The following ZNF385D variants were observed in gnomAD, a reference collection of about 807,000 sequenced individuals.
ZNF385D encodes zinc finger protein 659.
ZNF385D carries 15 observed loss-of-function variants against 35.8 expected under a neutral mutation model. The observed-to-expected ratio is 0.42, with a 90% CI of 0.28 to 0.64. ZNF385D has a LOEUF of 0.64. ZNF385D is among the 30% of genes least tolerant of loss of function. ZNF385D has a pLI of 0.23. For missense variants in ZNF385D, 474 were observed against 494.6 expected, an observed-to-expected ratio of 0.96 and a Z score of 0.39; for synonymous variants, 212 against 186.8, an observed-to-expected ratio of 1.13 and a Z score of -1.10.
intron 3 of ZNF385D, among the ~76,000 whole-genome samples, chr3:22,106,727 A>T (rs1002311984): frequency 5.3e-5 from 8 of 152,160 alleles, no homozygotes; most frequent in African/African-American, 1.9e-4. Flanking sequence ...GTCTTCCAGA[A>T]TCCCTACAAA....
intron 2 of ZNF385D, among the ~76,000 whole-genome samples, chr3:22,185,247 G>A (rs888617900): frequency 6.6e-5 from 10 of 152,198 alleles, no homozygotes; most frequent in African/African-American, 2.4e-4. Context: ...AATACTAAGA[G>A]AACATTTGAG....
intron 3 of ZNF385D, among the ~76,000 whole-genome samples, chr3:22,135,886 A>T (rs113962745): frequency 9.1e-4 from 138 of 152,284 alleles, no homozygotes; most frequent in African/African-American, 3.2e-3. Flanking sequence ...AAGAAAGGTT[A>T]ATCTTTTAAT....
chr3:22,205,156 A>G (rs1697066384), intron 2 of ZNF385D, among the ~76,000 whole-genome samples: 1 of 152,062 alleles, frequency 6.6e-6, no homozygotes, highest in Non-Finnish European at 1.5e-5. Flanking sequence ...AAGCTCCAAA[A>G]TATCTGGCAG....
chr3:22,103,388 T>C (rs560742840), intron 3 of ZNF385D, among the ~76,000 whole-genome samples: 2 of 152,174 alleles, frequency 1.3e-5, no homozygotes, highest in Admixed American at 1.3e-4. Context: ...ATTATAGACC[T>C]ACAAAGTAAA....
chr3:22,120,586 T>C (rs980536373), intron 3 of ZNF385D, among the ~76,000 whole-genome samples: 3 of 152,122 alleles, frequency 2.0e-5, no homozygotes, highest in African/African-American at 4.8e-5. Flanking sequence ...CAGACCACCA[T>C]AGTCTGAATT....
chr3:22,291,803 T>C (rs570566779), intron 2 of ZNF385D, among the ~76,000 whole-genome samples: 1 of 152,204 alleles, frequency 6.6e-6, no homozygotes, highest in East Asian at 1.9e-4. Context: ...TTAATCCTAC[T>C]TATTTATGCA....
At chr3:22,002,530 A>G (rs992793233) in intron 3 of ZNF385D, among the ~76,000 whole-genome samples, 11 of 152,274 alleles carry the variant, frequency 7.2e-5, no homozygotes, top group Middle Eastern at 6.8e-3. Context: ...ACTCTTCTCT[A>G]TCTATTCCAA....
Position 21,425,566 on chromosome 3 carries a change from T to C in ZNF385D, c.778A>G (p.Thr260Ala), listed in dbSNP as rs762412358. Residue 260 changes from threonine (T) to alanine (A), a missense_variant, in exon 6 of 8, where the codon ACA (threonine) becomes GCA (alanine). Coordinates refer to ENST00000281523, the MANE Select transcript of ZNF385D (RefSeq NM_024697.3). ...TGAAATGTTTTATTTTGGAGGCCTG[T>C]GTTTCCTTTATTAACAGGTCCTTTG... is the stretch of plus-strand genomic sequence containing the variant. Reference protein sequence around the residue: ...KGKGPVNKGNTGLQNKTFHCE... With the variant: ...KGKGPVNKGNAGLQNKTFHCE... 1.2e-6 allele frequency: 2 copies of C among 1,612,352 alleles called. No homozygotes were observed. Among genetic ancestry groups the C allele is most frequent in the Non-Finnish European group, 1.7e-6 (2 of 1,179,174 alleles).
intron 2 of ZNF385D, among the ~76,000 whole-genome samples, chr3:22,297,448 A>C (rs1405068561): frequency 1.3e-5 from 2 of 152,106 alleles, no homozygotes; most frequent in South Asian, 2.1e-4. Context: ...TCTAGGCTAT[A>C]GATATAGTCT....
intron 3 of ZNF385D, among the ~76,000 whole-genome samples, chr3:21,538,872 T>C (rs1229150596): frequency 6.6e-6 from 1 of 152,136 alleles, no homozygotes; most frequent in African/African-American, 2.4e-5. Flanking sequence ...CCAATCTGAG[T>C]GTTTTATAAA....
At chr3:21,700,163 G>A (rs918522259) in intron 1 of ZNF385D, among the ~76,000 whole-genome samples, 8 of 152,032 alleles carry the variant, frequency 5.3e-5, no homozygotes, top group Non-Finnish European at 5.9e-5. Flanking sequence ...ATCAGGTAGC[G>A]CAGGGCTAGA....
chr3:21,564,537 T>G, intron 3 of ZNF385D, 37 bp downstream of exon 3: 1 of 704,228 alleles, frequency 1.4e-6, no homozygotes, highest in South Asian at 2.4e-5. Flanking sequence ...CAAAATGTAT[T>G]TTTTTTTTTT....
intron 3 of ZNF385D, among the ~76,000 whole-genome samples, chr3:21,797,308 AAAT>A (rs1424309809): frequency 6.6e-6 from 1 of 152,224 alleles, no homozygotes; most frequent in Admixed American, 6.5e-5. Context: ...ACACATATTA[AAAT>A]GACCAAAATC....
intron 3 of ZNF385D, among the ~76,000 whole-genome samples, chr3:22,133,019 T>C (rs1703891203): frequency 1.3e-5 from 2 of 152,310 alleles, no homozygotes; most frequent in African/African-American, 2.4e-5. Context: ...AGAAAATTTC[T>C]ATAGTTTCCC....
intron 2 of ZNF385D, among the ~76,000 whole-genome samples, chr3:22,315,617 C>T (rs1703844884): frequency 6.6e-6 from 1 of 152,146 alleles, no homozygotes; most frequent in African/African-American, 2.4e-5. Flanking sequence ...ACACAGAAGA[C>T]ATTTGAGCTA....
At chr3:21,521,845 G>C (rs923380431) in intron 3 of ZNF385D, among the ~76,000 whole-genome samples, 1 of 152,142 alleles carries the variant, frequency 6.6e-6, no homozygotes, top group Non-Finnish European at 1.5e-5. Flanking sequence ...AACTCCTTTT[G>C]CAGAGGGGTT....
chr3:21,471,960 C>T (rs1432385985), intron 4 of ZNF385D, among the ~76,000 whole-genome samples: 1 of 152,000 alleles, frequency 6.6e-6, no homozygotes, highest in Non-Finnish European at 1.5e-5. Flanking sequence ...GATTACTTTG[C>T]CTAATTTAGG....
intron 3 of ZNF385D, among the ~76,000 whole-genome samples, chr3:21,852,091 T>C (rs1437838207): frequency 6.6e-6 from 1 of 152,062 alleles, no homozygotes; most frequent in Non-Finnish European, 1.5e-5. Context: ...TCAAAATGTA[T>C]TTTCTGAATG....
At chr3:21,442,429 A>T (rs1273685032) in intron 4 of ZNF385D, among the ~76,000 whole-genome samples, 2 of 152,214 alleles carry the variant, frequency 1.3e-5, no homozygotes, top group Non-Finnish European at 2.9e-5. Flanking sequence ...GAAATGAAGA[A>T]AACAGCTGCT....
Sources: gnomAD v4.1 joint callset for allele counts (sites outside exome capture counted in the v4.1 genomes callset) on GRCh38, gnomAD v4.1.1 for gene constraint, MANE v1.5 for transcripts, NCBI Gene and HGNC (gene_info 2026-07-23, HGNC 2026-07-21) for gene names.